Variants in TOM1L1 observed in about 807,000 individuals in gnomAD.
TOM1L1 encodes the protein TOM1-like protein 1.
Under a neutral mutation model 63.4 loss-of-function variants are expected in TOM1L1, and 64 were observed. The ratio of observed to expected loss-of-function variants is 1.01; its 90% CI spans 0.83 to 1.24. The LOEUF is 1.24. Ranked by LOEUF, TOM1L1 falls within the 50% of genes most tolerant of loss-of-function variation. The probability of loss-of-function intolerance (pLI) is 0.00; values close to 1 mark genes in which losing one functional copy is unlikely to be tolerated. For synonymous variants in TOM1L1, 166 were observed against 194.4 expected (o/e 0.85, Z 1.22); for missense variants, 536 against 567.0 (o/e 0.95, Z 0.55).
chr17:54,933,123 CCT>C lies in TOM1L1; in HGVS notation c.854+2920_854+2921del, dbSNP rs200003732. ...AATTCACACAAACTTAGTGGCTTAT[CCT>C]CTGTTTTATCCACTTTTGGACGCTC... is the stretch of plus-strand genomic sequence containing the variant. On this transcript the variant is annotated intron_variant, in intron 8 of 15. Coordinates refer to ENST00000575882, the MANE Select transcript of TOM1L1 (RefSeq NM_005486.3). 9.9e-3 allele frequency among the ~76,000 whole-genome samples: 1,509 copies of C among 152,310 alleles called. 11 individuals carry two copies. The highest frequency in any genetic ancestry group is 0.017 in the Middle Eastern group (5 of 292).
At chr17:54,955,389 G>A (rs1307428794) in intron 14 of TOM1L1, among the ~76,000 whole-genome samples, 6 of 152,140 alleles carry the variant, frequency 3.9e-5, no homozygotes, top group Admixed American at 1.3e-4. Flanking sequence ...TGTAACCTTT[G>A]TATCACTGCA....
intron 14 of TOM1L1, among the ~76,000 whole-genome samples, chr17:54,958,777 G>C (rs2077027621): frequency 6.7e-6 from 1 of 149,590 alleles, no homozygotes; most frequent in Non-Finnish European, 1.5e-5. Context: ...AGGATACTAA[G>C]GCATTTACTA....
chr17:54,939,903 A>G (rs1598044257), intron 11 of TOM1L1, among the ~76,000 whole-genome samples: 2 of 152,252 alleles, frequency 1.3e-5, no homozygotes, highest in Middle Eastern at 6.8e-3. Context: ...TCATTTCTCT[A>G]TTGAAGGAAC....
At chr17:54,944,576 T>G (rs2049087582) in intron 11 of TOM1L1, among the ~76,000 whole-genome samples, 2 of 152,244 alleles carry the variant, frequency 1.3e-5, no homozygotes, top group Non-Finnish European at 2.9e-5. Flanking sequence ...TATCAGTTCT[T>G]TTAAAGCAGG....
At chr17:54,957,465 T>C (rs180685768) in intron 14 of TOM1L1, 31 of 152,364 alleles carry the variant, frequency 2.0e-4, no homozygotes, top group African/African-American at 7.5e-4. Flanking sequence ...AAGTTCTTGA[T>C]TATATTCAAA....
At chr17:54,906,757 C>T (rs1016332742) in intron 3 of TOM1L1, 4 of 985,366 alleles carry the variant, frequency 4.1e-6, no homozygotes, top group African/African-American at 1.7e-5. Context: ...TCCCACCATC[C>T]TTGGCAATAT....
intron 12 of TOM1L1, among the ~76,000 whole-genome samples, chr17:54,948,701 G>C (rs1321937036): frequency 6.6e-6 from 1 of 152,234 alleles, no homozygotes; most frequent in Non-Finnish European, 1.5e-5. Context: ...AACTTGGTCT[G>C]CTTTGTTTAT....
intron 11 of TOM1L1, among the ~76,000 whole-genome samples, chr17:54,946,851 A>G (rs993426618): frequency 6.6e-6 from 1 of 152,200 alleles, no homozygotes; most frequent in Non-Finnish European, 1.5e-5. Flanking sequence ...TACTTGCTCT[A>G]TGCATTCCGT....
At chr17:54,944,558 ATTTTC>A (rs2049087102) in intron 11 of TOM1L1, among the ~76,000 whole-genome samples, 1 of 152,078 alleles carries the variant, frequency 6.6e-6, no homozygotes, top group Non-Finnish European at 1.5e-5. Flanking sequence ...TCTCTGAAGA[ATTTTC>A]TTTATCAGTT....
At position 54,937,150 on chromosome 17, in the gene TOM1L1, C is replaced by T; in HGVS notation, c.957C>T (p.Asp319=). The T allele has an allele frequency of 1.2e-6, 2 of 1,613,508 alleles. No homozygotes were observed. Among genetic ancestry groups the T allele is most frequent in the Admixed American group, 3.3e-5 (2 of 59,928 alleles). ...CTGCCCCATCTCAAGATCTCCTCGACCTAAGTCCCAGTCCCCGGATGCCTA... is the reference window on the plus strand; with the variant it reads ...CTGCCCCATCTCAAGATCTCCTCGATCTAAGTCCCAGTCCCCGGATGCCTA... ...EPSAPSQDLL[D]LSPSPRMPRA... Residue 319 remains aspartate, a synonymous_variant, in exon 10 of 16, where the codon GAC becomes GAT. Transcript: ENST00000575882.
chr17:54,949,398 A>G, intron 12 of TOM1L1, 120 bp from the exon 13 acceptor site: 1 of 684,064 alleles, frequency 1.5e-6, no homozygotes, highest in Non-Finnish European at 2.4e-6. Context: ...ATTAAAAACA[A>G]CTTATTCTTG....
chr17:54,937,385 A>T, intron 10 of TOM1L1, 159 bp downstream of exon 10: 1 of 631,584 alleles, frequency 1.6e-6, no homozygotes, highest in Non-Finnish European at 2.8e-6. Flanking sequence ...CAAATGGTTG[A>T]GTCAAACCCA....
At chr17:54,916,317 C>G (rs964732707) in intron 7 of TOM1L1, 2 of 161,808 alleles carry the variant, frequency 1.2e-5, no homozygotes, top group Non-Finnish European at 2.7e-5. Context: ...TAAATTTGTT[C>G]AGTATATGGT....
intron 11 of TOM1L1, among the ~76,000 whole-genome samples, chr17:54,942,077 C>T (rs2143920800): frequency 6.6e-6 from 1 of 151,998 alleles, no homozygotes; most frequent in Non-Finnish European, 1.5e-5. Flanking sequence ...AAAACAATAA[C>T]AAAGAAGACA....
At position 54,961,553 on chromosome 17, in the gene TOM1L1, T is replaced by C; in HGVS notation, c.*320T>C. 2 of 1,365,688 alleles carry C rather than the reference T, an allele frequency of 1.5e-6. No individual in the cohort carries two copies. The highest frequency in any genetic ancestry group is 1.7e-5 in the South Asian group (1 of 58,016). 84.6% of individuals were successfully genotyped at this position (1,365,688 alleles called of 1,614,324 possible). A position where few individuals can be genotyped will look rare whatever the true frequency, so the allele number is the denominator to read the frequency against. ...TCACAGGCCTTCCTACATTTAGAAA[T>C]CGTCACACAGCTGTGATAAGAGTAG... On this transcript the variant is annotated 3_prime_UTR_variant, in exon 16 of 16. Transcript: ENST00000575882.
intron 7 of TOM1L1, among the ~76,000 whole-genome samples, chr17:54,929,002 C>T (rs1488658137): frequency 6.6e-6 from 1 of 152,180 alleles, no homozygotes; most frequent in African/African-American, 2.4e-5. Flanking sequence ...AGCATACATA[C>T]ATTTTTCAGC....
chr17:54,912,929 C>G (rs1249358709), intron 4 of TOM1L1, 114 bp downstream of exon 4: 1 of 971,336 alleles, frequency 1.0e-6, no homozygotes, highest in African/African-American at 1.7e-5. Context: ...GCTAGAAAAG[C>G]ATTTTTGCTA....
At chr17:54,918,559 A>G (rs538539543) in intron 7 of TOM1L1, among the ~76,000 whole-genome samples, 23 of 152,300 alleles carry the variant, frequency 1.5e-4, no homozygotes. Flanking sequence ...GCTTAACCAG[A>G]CTGGCAGAGG....
intron 7 of TOM1L1, among the ~76,000 whole-genome samples, chr17:54,920,778 C>T (rs1326658921): frequency 1.3e-5 from 2 of 152,216 alleles, no homozygotes; most frequent in Non-Finnish European, 2.9e-5. Context: ...CAAATAACTG[C>T]TGGTTTCCAA....
Sources: gnomAD v4.1 joint callset for allele counts (sites outside exome capture counted in the v4.1 genomes callset) on GRCh38, gnomAD v4.1.1 for gene constraint, MANE v1.5 for transcripts, NCBI Gene and HGNC (gene_info 2026-07-23, HGNC 2026-07-21) for gene names.